SNRPN: variants seen among roughly 807,000 people sequenced by gnomAD.
SNRPN encodes the protein small nuclear ribonucleoprotein-associated protein N.
A neutral mutation model predicts 25.2 loss-of-function variants in SNRPN; 7 were observed. That is an observed-to-expected ratio of 0.28 (90% CI 0.16 to 0.52). The LOEUF (loss-of-function observed/expected upper bound fraction) is 0.52, where lower values mean the gene tolerates loss of function less well. Among genes scored for constraint, SNRPN ranks in the 20% least tolerant of loss-of-function variants. SNRPN has a pLI of 0.96. For synonymous variants in SNRPN, 124 were observed against 110.6 expected (o/e 1.12, Z -0.76); for missense variants, 196 against 322.5 (o/e 0.61, Z 3.00).
chr15:24,926,362 C>T (rs113706821), intron 3 of SNRPN, among the ~76,000 whole-genome samples: 4 of 152,060 alleles, frequency 2.6e-5, no homozygotes, highest in South Asian at 2.1e-4. Flanking sequence ...TCTTTCCACC[C>T]GTAATGACAA....
chr15:24,896,705 C>A (rs2058100515), intron 2 of SNRPN, among the ~76,000 whole-genome samples: 1 of 151,296 alleles, frequency 6.6e-6, no homozygotes, highest in African/African-American at 2.5e-5. Context: ...CAGAGCGAGA[C>A]TCCGTCTAAA....
intron 2 of SNRPN, chr15:24,911,200 T>C: frequency 2.1e-6 from 1 of 475,382 alleles, no homozygotes; most frequent in Non-Finnish European, 3.6e-6. Flanking sequence ...AACATAAAGA[T>C]TTGGAAAATT....
At chr15:24,909,623 G>T (rs2059083429) in intron 2 of SNRPN, 7 of 1,210,956 alleles carry the variant, frequency 5.8e-6, no homozygotes, top group Non-Finnish European at 3.6e-6. Flanking sequence ...CTCTATATGG[G>T]CATAAGCAAT....
intron 3 of SNRPN, among the ~76,000 whole-genome samples, chr15:24,944,335 A>G (rs925473931): frequency 3.3e-5 from 5 of 152,196 alleles, no homozygotes; most frequent in Non-Finnish European, 7.3e-5. Context: ...AGACAGTCTC[A>G]TTATACTTGT....
chr15:24,898,932 C>T (rs1026061912), intron 2 of SNRPN, among the ~76,000 whole-genome samples: 5 of 151,916 alleles, frequency 3.3e-5, no homozygotes, highest in Admixed American at 1.3e-4. Context: ...AAACAGGTGG[C>T]GAGGCTGTGG....
intron 3 of SNRPN, among the ~76,000 whole-genome samples, chr15:24,931,457 T>G (rs1415489396): frequency 6.6e-6 from 1 of 152,068 alleles, no homozygotes; most frequent in Non-Finnish European, 1.5e-5. Flanking sequence ...GCTGGGTGTC[T>G]ACTGGACACT....
chr15:24,943,954 TG>T (rs1353647366), intron 3 of SNRPN, among the ~76,000 whole-genome samples: 1 of 152,196 alleles, frequency 6.6e-6, no homozygotes, highest in Admixed American at 6.5e-5. Flanking sequence ...CCTGAGTAGC[TG>T]GGATTACAGG....
At chr15:24,854,998 C>T (rs572822815), upstream of SNRPN, among the ~76,000 whole-genome samples, 4 of 60,394 alleles carry the variant, frequency 6.6e-5, no homozygotes, top group South Asian at 2.3e-3. Context: ...AGCGAGACTC[C>T]GTCTCAAAAA....
At chr15:24,869,600 C>T (rs1422368697) in intron 1 of SNRPN, among the ~76,000 whole-genome samples, 1 of 152,060 alleles carries the variant, frequency 6.6e-6, no homozygotes, top group African/African-American at 2.4e-5. Context: ...CATGATTATA[C>T]TGGAGTTGGG....
chr15:24,916,452 G>A (rs1222480408), intron 2 of SNRPN, among the ~76,000 whole-genome samples: 1 of 151,988 alleles, frequency 6.6e-6, no homozygotes, highest in Non-Finnish European at 1.5e-5. Context: ...TACTTAGGAG[G>A]CTAAGGCAGG....
intron 1 of SNRPN, among the ~76,000 whole-genome samples, chr15:24,859,640 C>T (rs2053800748): frequency 6.6e-6 from 1 of 151,824 alleles, no homozygotes; most frequent in African/African-American, 2.4e-5. Context: ...AGAGGGTTGC[C>T]GATATTCAGG....
At chr15:24,976,578 T>C (rs1223609947) in intron 6 of SNRPN, among the ~76,000 whole-genome samples, 162 bp downstream of exon 6, 2 of 152,192 alleles carry the variant, frequency 1.3e-5, no homozygotes, top group Non-Finnish European at 1.5e-5. Context: ...CTATTCGGGA[T>C]TAGGGGATTT....
At chr15:24,879,875 C>G (rs1595654481) in intron 1 of SNRPN, among the ~76,000 whole-genome samples, 1 of 152,166 alleles carries the variant, frequency 6.6e-6, no homozygotes, top group South Asian at 2.1e-4. Context: ...ACTGTTCTGT[C>G]TGGTGTTGGG....
chr15:24,907,921 TG>T (rs2058939826), intron 2 of SNRPN, among the ~76,000 whole-genome samples: 1 of 151,046 alleles, frequency 6.6e-6, no homozygotes, highest in South Asian at 2.1e-4. Flanking sequence ...GGCATGGTGG[TG>T]GGCACCTGTA....
chr15:24,923,922 C>CTT (rs2060208362), intron 3 of SNRPN, among the ~76,000 whole-genome samples: 1 of 14,812 alleles, frequency 6.8e-5, no homozygotes, highest in African/African-American at 1.9e-4. Context: ...TGTATATAAA[C>CTT]ATTTTTTTTT....
intron 2 of SNRPN, among the ~76,000 whole-genome samples, chr15:24,914,097 G>A (rs968149820): frequency 1.3e-5 from 2 of 152,154 alleles, no homozygotes; most frequent in African/African-American, 4.8e-5. Flanking sequence ...AGTGTGGAGA[G>A]TGGGGAGGGA....
chr15:24,924,627 C>A (rs1264981370), intron 3 of SNRPN, among the ~76,000 whole-genome samples: 1 of 151,852 alleles, frequency 6.6e-6, no homozygotes, highest in Admixed American at 6.6e-5. Context: ...GGACCAGAGG[C>A]ATGCACCATC....
chr15:24,833,555 T>G (rs7162150), intron 2 of SNRPN, among the ~76,000 whole-genome samples: 12,315 of 152,112 alleles, frequency 0.081, 688 homozygotes, highest in Middle Eastern at 0.16. Flanking sequence ...AAATTTTATT[T>G]TAAATTGCAT....
chr15:24,909,874 A>G, intron 2 of SNRPN: 1 of 753,936 alleles, frequency 1.3e-6, no homozygotes, highest in Non-Finnish European at 2.3e-6. Flanking sequence ...ACCAGCAGGC[A>G]CAGCGGCGCT....
Sources: gnomAD v4.1 joint callset for allele counts (sites outside exome capture counted in the v4.1 genomes callset) on GRCh38, gnomAD v4.1.1 for gene constraint, MANE v1.5 for transcripts, NCBI Gene and HGNC (gene_info 2026-07-23, HGNC 2026-07-21) for gene names.